The following SORCS2 variants were observed in gnomAD, a reference collection of about 807,000 sequenced individuals.
The protein encoded by SORCS2 is sortilin related VPS10 domain containing receptor 2, also known as VPS10 domain-containing receptor SorCS2.
In SORCS2, 100 loss-of-function variants were observed where a neutral mutation model predicts 141.6. The observed-to-expected ratio is 0.71, with a 90% confidence interval of 0.60 to 0.83. The LOEUF is 0.83. Ranked by LOEUF, SORCS2 falls within the 40% of genes least tolerant of loss-of-function variation. The pLI is 0.00. For missense variants in SORCS2, 1,646 were observed against 1,560.2 expected (o/e 1.05, Z -0.93); for synonymous variants, 789 against 676.9 (o/e 1.17, Z -2.57).
rs188032448 is a variant in SORCS2, at chr4:7,264,769, C to T, written c.480+71643C>T. On this transcript the variant is annotated intron_variant, in intron 1 of 26. Coordinates refer to ENST00000507866, the MANE Select transcript of SORCS2 (RefSeq NM_020777.3). ...CTGCTCTCTGCAGTCCTGACCCCCA[C>T]TCCCTTCCAGCTGCAGGCCAGACCC... Among the ~76,000 whole-genome samples, 285 of 152,352 alleles carry T rather than the reference C, an allele frequency of 1.9e-3. 1 individual carries two copies. Among genetic ancestry groups the T allele is most frequent in the African/African-American group, 6.5e-3 (269 of 41,586 alleles).
intron 1 of SORCS2, among the ~76,000 whole-genome samples, chr4:7,304,619 C>T (rs932765852): frequency 2.0e-5 from 3 of 152,180 alleles, no homozygotes; most frequent in Non-Finnish European, 2.9e-5. Flanking sequence ...TCTTAGCCCT[C>T]GATTCTTCCT....
At chr4:7,690,284 T>C (rs1018719079) in intron 11 of SORCS2, among the ~76,000 whole-genome samples, 1 of 130,886 alleles carries the variant, frequency 7.6e-6, no homozygotes, top group African/African-American at 3.0e-5. Flanking sequence ...GTATGAATGA[T>C]GCATGATGGA....
intron 3 of SORCS2, among the ~76,000 whole-genome samples, chr4:7,584,982 T>G (rs1716440338): frequency 6.6e-6 from 1 of 152,134 alleles, no homozygotes; most frequent in South Asian, 2.1e-4. Context: ...CTTGTTGTGA[T>G]TCCCGGCGTG....
intron 1 of SORCS2, among the ~76,000 whole-genome samples, chr4:7,221,826 C>T (rs144757008): frequency 2.0e-5 from 3 of 151,820 alleles, no homozygotes; most frequent in African/African-American, 7.3e-5. Flanking sequence ...TTAAGTTAAG[C>T]ATATATTTAA....
chr4:7,664,264 T>G lies in SORCS2; in HGVS notation c.953-89T>G. 9.9e-7 allele frequency: 1 copy of G among 1,014,554 alleles called. No homozygotes were observed. Among genetic ancestry groups the G allele is most frequent in the South Asian group, 1.5e-5 (1 of 67,578 alleles). The allele number at this position is 1,014,554 out of a possible 1,614,324, so 62.8% of individuals were successfully genotyped here. A position where few individuals can be genotyped will look rare whatever the true frequency, so the allele number is the denominator to read the frequency against. On this transcript the variant is annotated intron_variant, in intron 6 of 26. Transcript: ENST00000507866. The surrounding 1 kb of genome is among the most constrained non-coding windows in gnomAD (Gnocchi z 4.7). Reference sequence around the variant, plus strand: ...CCATGAAGCCACACCACAGCGGTATTGGAGGAAGATGGAGTCCAGCACATG... The same window carrying G: ...CCATGAAGCCACACCACAGCGGTATGGGAGGAAGATGGAGTCCAGCACATG...
At position 7,396,304 on chromosome 4, in the gene SORCS2, C is replaced by T. The variant is rs201499150; in HGVS notation, c.497C>T (p.Thr166Met). The change falls in exon 2 of 27, where the codon ACG becomes ATG. Residue 166 changes from threonine to methionine, a missense_variant. Physicochemically the swap from Thr to Met is moderately conservative, Grantham distance 81. Transcript: ENST00000507866. ...GENSSVILILTKYYHADMGKV... is the reference protein window; with the variant it reads ...GENSSVILILMKYYHADMGKV... ...ACACCACAGGTGATCTTGATCCTGA[C>T]GAAGTACTACCACGCAGACATGGGG... 6.4e-5 allele frequency: 103 copies of T among 1,613,822 alleles called. No homozygotes were observed. The highest frequency in any genetic ancestry group is 8.0e-5 in the Non-Finnish European group (94 of 1,179,874).
chr4:7,498,995 G>A (rs1731798491), intron 2 of SORCS2, among the ~76,000 whole-genome samples: 2 of 152,188 alleles, frequency 1.3e-5, no homozygotes, highest in Admixed American at 1.3e-4. Context: ...CTGGGGAAAG[G>A]GGGGCAGGGG....
intron 1 of SORCS2, among the ~76,000 whole-genome samples, chr4:7,227,554 G>A (rs1368122436): frequency 5.3e-5 from 8 of 152,268 alleles, no homozygotes; most frequent in African/African-American, 9.6e-5. Flanking sequence ...GTGGAAGGTG[G>A]CAGGGGGCAC....
At chr4:7,263,046 G>A (rs1317348345) in intron 1 of SORCS2, among the ~76,000 whole-genome samples, 2 of 152,160 alleles carry the variant, frequency 1.3e-5, no homozygotes, top group Non-Finnish European at 2.9e-5. Context: ...CTGCTGCAGA[G>A]GAAAGAACAG....
At chr4:7,725,799 C>T (rs1727178853) in intron 20 of SORCS2, among the ~76,000 whole-genome samples, 1 of 152,204 alleles carries the variant, frequency 6.6e-6, no homozygotes, top group Admixed American at 6.5e-5. Flanking sequence ...CAGTGAAGGG[C>T]ATCCTCCACT....
chr4:7,483,296 C>A (rs1400580103), intron 2 of SORCS2, among the ~76,000 whole-genome samples: 1 of 141,474 alleles, frequency 7.1e-6, no homozygotes, highest in African/African-American at 2.7e-5. Context: ...GCATTCCAGC[C>A]TGGGTGACAG....
At chr4:7,698,126 T>C (rs965265201) in intron 12 of SORCS2, among the ~76,000 whole-genome samples, 40 of 152,200 alleles carry the variant, frequency 2.6e-4, no homozygotes, top group African/African-American at 9.2e-4. Flanking sequence ...GTACACTGGC[T>C]GTTTCTTTCC....
At chr4:7,255,006 T>C (rs927863457) in intron 1 of SORCS2, among the ~76,000 whole-genome samples, 1 of 151,852 alleles carries the variant, frequency 6.6e-6, no homozygotes, top group Non-Finnish European at 1.5e-5. Context: ...TGTGCACAGA[T>C]GAGTATGTGA....
intron 2 of SORCS2, among the ~76,000 whole-genome samples, chr4:7,406,875 TTG>T (rs1475236350): frequency 1.3e-5 from 2 of 152,078 alleles, no homozygotes; most frequent in African/African-American, 2.4e-5. Context: ...TTTGGGTGTG[TTG>T]TGTTTCCATT....
intron 3 of SORCS2, among the ~76,000 whole-genome samples, chr4:7,542,461 G>A (rs942582844): frequency 6.6e-6 from 1 of 152,190 alleles, no homozygotes; most frequent in African/African-American, 2.4e-5. Context: ...GAAGACATAT[G>A]GGGAAGAGGA....
At chr4:7,368,553 A>G (rs1246388371) in intron 1 of SORCS2, among the ~76,000 whole-genome samples, 1 of 152,120 alleles carries the variant, frequency 6.6e-6, no homozygotes, top group Non-Finnish European at 1.5e-5. Flanking sequence ...AGGCCCAGCC[A>G]CGCCTCTCTT....
chr4:7,613,679 A>G (rs1221168347), intron 3 of SORCS2, among the ~76,000 whole-genome samples: 1 of 152,056 alleles, frequency 6.6e-6, no homozygotes, highest in Non-Finnish European at 1.5e-5. Flanking sequence ...ACACTCTCTC[A>G]TCGATTTCCT....
intron 1 of SORCS2, among the ~76,000 whole-genome samples, chr4:7,197,200 T>G (rs1234761782): frequency 6.6e-6 from 1 of 152,208 alleles, no homozygotes; most frequent in Non-Finnish European, 1.5e-5. Flanking sequence ...TCTCCATTTC[T>G]TGTAAGGGCA....
Position 7,540,045 on chromosome 4 carries a change from AC to A in SORCS2, c.648+8421del, listed in dbSNP as rs1248416501. ...GCCCCCTTTCTGCTGTGGAGGCCCCACCCCCTGCCTGTCGTGGAGGCCCCGC... is the reference window on the plus strand; with the variant it reads ...GCCCCCTTTCTGCTGTGGAGGCCCCACCCCTGCCTGTCGTGGAGGCCCCGC... On this transcript the variant is annotated intron_variant, in intron 3 of 26. Coordinates refer to ENST00000507866, the MANE Select transcript of SORCS2 (RefSeq NM_020777.3). Among the ~76,000 whole-genome samples, 3 of 13,120 alleles carry A rather than the reference AC, an allele frequency of 2.3e-4. 1 individual carries two copies. Among genetic ancestry groups the A allele is most frequent in the Non-Finnish European group, 4.7e-4 (3 of 6,408 alleles). 8.6% of individuals were successfully genotyped at this position (13,120 alleles called of 152,430 possible).
Sources: allele counts gnomAD v4.1 joint callset (sites outside exome capture counted in the v4.1 genomes callset), GRCh38; gene constraint gnomAD v4.1.1; non-coding constraint Gnocchi (gnomAD v3.1); transcripts MANE v1.5; gene names NCBI Gene and HGNC (gene_info 2026-07-23, HGNC 2026-07-21).